The following PHF8 variants were observed in gnomAD, a reference collection of about 807,000 sequenced individuals.
PHF8 encodes PHD finger protein 8.
Under a neutral mutation model 74.4 loss-of-function variants are expected in PHF8, and 9 were observed. That is an observed-to-expected ratio of 0.12 (90% confidence interval 0.07 to 0.21). PHF8 has a LOEUF of 0.21. Among genes scored for constraint, PHF8 ranks in the 10% least tolerant of loss-of-function variants. PHF8 has a pLI of 1.00. For missense variants in PHF8, 478 were observed against 816.6 expected (o/e 0.59, Z 5.05); for synonymous variants, 311 against 316.6 (o/e 0.98, Z 0.19).
At chrX:53,985,765 G>T (rs782677745) in intron 17 of PHF8, 51 bp downstream of exon 17, 2 of 1,210,604 alleles carry the variant, frequency 1.7e-6, no homozygotes, top group East Asian at 3.0e-5. Flanking sequence ...GGGCGGGAGC[G>T]GGGGTTGCTG....
At chrX:54,035,306 G>A (rs782120292) in intron 2 of PHF8, among the ~76,000 whole-genome samples, 67 of 107,995 alleles carry the variant, frequency 6.2e-4, no homozygotes, top group Non-Finnish European at 1.2e-3. Flanking sequence ...GCAGTGAGCC[G>A]AGACCACATC....
intron 18 of PHF8, among the ~76,000 whole-genome samples, chrX:53,969,221 C>T (rs781922242): frequency 1.9e-4 from 21 of 110,660 alleles, no homozygotes; most frequent in East Asian, 1.4e-3. Context: ...GGTGACAGAA[C>T]GAGACTCTGT....
At chrX:54,009,475 AG>A (rs1382084935) in intron 8 of PHF8, among the ~76,000 whole-genome samples, 13 of 110,075 alleles carry the variant, frequency 1.2e-4, no homozygotes, top group African/African-American at 4.3e-4. Flanking sequence ...CAAAGCAAGC[AG>A]AGGGAAGGAA....
At chrX:53,971,619 A>G (rs1289382356) in intron 18 of PHF8, among the ~76,000 whole-genome samples, 1 of 112,039 alleles carries the variant, frequency 8.9e-6, no homozygotes, top group African/African-American at 3.2e-5. Flanking sequence ...GAGAAAATCA[A>G]ACAGACACAA....
chrX:54,043,228 G>A (rs2066594131), intron 1 of PHF8: 1 of 530,675 alleles, frequency 1.9e-6, no homozygotes, highest in Middle Eastern at 1.1e-3. Flanking sequence ...TGAGGCTGGG[G>A]GTATCTCAAG....
intron 2 of PHF8, among the ~76,000 whole-genome samples, chrX:54,037,816 T>C (rs1450567664): frequency 1.8e-5 from 2 of 112,700 alleles, no homozygotes; most frequent in African/African-American, 6.4e-5. Context: ...AGTGGAACAC[T>C]AGCTTGTGCT....
At chrX:53,965,849 T>C (rs2149800328) in intron 18 of PHF8, among the ~76,000 whole-genome samples, 1 of 110,442 alleles carries the variant, frequency 9.1e-6, no homozygotes, top group Non-Finnish European at 1.9e-5. Context: ...AATTTCCAGT[T>C]TCCAACAAAA....
intron 8 of PHF8, among the ~76,000 whole-genome samples, chrX:54,008,091 C>G (rs993035666): frequency 9.0e-6 from 1 of 111,707 alleles, no homozygotes; most frequent in Non-Finnish European, 1.9e-5. Flanking sequence ...ACGAAGTGGT[C>G]GGCGCAGTGG....
intron 2 of PHF8, among the ~76,000 whole-genome samples, chrX:54,024,017 A>G (rs1314368973): frequency 9.0e-6 from 1 of 111,481 alleles, no homozygotes; most frequent in African/African-American, 3.3e-5. Context: ...CCAACTAAAT[A>G]TATTCCCAAC....
intron 11 of PHF8, 160 bp downstream of exon 11, chrX:53,999,710 T>A (rs1479355471): frequency 3.9e-5 from 17 of 441,171 alleles, no homozygotes; most frequent in African/African-American, 7.4e-5. Flanking sequence ...GAAAGAAAGA[T>A]TTTAAAATGT....
At chrX:53,989,827 G>A (rs2065631446) in intron 14 of PHF8, among the ~76,000 whole-genome samples, 1 of 112,082 alleles carries the variant, frequency 8.9e-6, no homozygotes, top group Non-Finnish European at 1.9e-5. Flanking sequence ...TACAGAGCTT[G>A]ATCCATGGCA....
rs1557082467 is a variant in PHF8, at chrX:53,938,548, G to A, written c.*610C>T. On this transcript the variant is annotated 3_prime_UTR_variant, in exon 22 of 22. Transcript: ENST00000338154. Reference sequence around the variant, plus strand: ...AAGGTAAGTGAAGTTGGCATTTCTAGGCCACTTCTGGAAATGGCCCACAGT... The same window carrying A: ...AAGGTAAGTGAAGTTGGCATTTCTAAGCCACTTCTGGAAATGGCCCACAGT... The A allele has an allele frequency of 1.3e-6, 1 of 755,142 alleles. No homozygotes were observed. Among genetic ancestry groups the A allele is most frequent in the African/African-American group, 2.3e-5 (1 of 43,337 alleles). The allele number at this position is 755,142 out of a possible 1,213,427, so 62.2% of individuals were successfully genotyped here.
rs1474960163 is a variant in PHF8 at position 53,937,993 on chromosome X, G to A, written c.*1165C>T. 8 of 1,163,357 alleles carry A rather than the reference G, an allele frequency of 6.9e-6. No individual in the cohort carries two copies. In the Admixed American group the frequency reaches 7.8e-5, roughly 11 times the overall value. ...ATGGTCTGCTCCTTCACGGATGGGC[G>A]TCTCTTCTCTTCAACTTGGGCTCGT... On this transcript the variant is annotated 3_prime_UTR_variant, in exon 22 of 22. Transcript: ENST00000338154.
chrX:53,996,928 G>A (rs1413945193), intron 11 of PHF8, among the ~76,000 whole-genome samples: 2 of 112,288 alleles, frequency 1.8e-5, no homozygotes, highest in African/African-American at 6.5e-5. Flanking sequence ...ACATAAGCAT[G>A]GACCAGAAAA....
At chrX:53,999,711 T>G (rs1246029950) in intron 11 of PHF8, 159 bp downstream of exon 11, 2 of 441,583 alleles carry the variant, frequency 4.5e-6, no homozygotes, top group African/African-American at 5.0e-5. Flanking sequence ...AAAGAAAGAT[T>G]TTAAAATGTA....
intron 18 of PHF8, among the ~76,000 whole-genome samples, chrX:53,976,383 G>A (rs781969871): frequency 1.8e-5 from 2 of 110,837 alleles, no homozygotes; most frequent in Non-Finnish European, 1.9e-5. Flanking sequence ...TAATCTAAAC[G>A]ATCATCTCTG....
intron 2 of PHF8, among the ~76,000 whole-genome samples, chrX:54,031,941 A>C (rs1221735974): frequency 9.0e-6 from 1 of 111,414 alleles, no homozygotes; most frequent in Non-Finnish European, 1.9e-5. Context: ...GTGCATTTCT[A>C]ATGACCTCTC....
intron 14 of PHF8, among the ~76,000 whole-genome samples, chrX:53,991,661 C>CAAAAAAAAA (rs1201744328): frequency 1.8e-4 from 3 of 16,748 alleles, no homozygotes; most frequent in African/African-American, 2.3e-4. Context: ...GACTCTGTCT[C>CAAAAAAAAA]AAAAAAAAAA....
chrX:53,976,148 T>C (rs2065371678), intron 18 of PHF8, among the ~76,000 whole-genome samples: 1 of 108,793 alleles, frequency 9.2e-6, no homozygotes, highest in Admixed American at 1.0e-4. Flanking sequence ...CTATTAAAAA[T>C]GCAAAAATTA....
Sources: gnomAD v4.1 joint callset for allele counts (sites outside exome capture counted in the v4.1 genomes callset) on GRCh38, gnomAD v4.1.1 for gene constraint, MANE v1.5 for transcripts, NCBI Gene and HGNC (gene_info 2026-07-23, HGNC 2026-07-21) for gene names.